Variants in CELF2 observed in about 807,000 individuals in gnomAD.
The protein encoded by CELF2 is CUGBP Elav-like family member 2, also known as CUG triplet repeat RNA-binding protein 2.
In CELF2, 8 loss-of-function variants were observed where a neutral mutation model predicts 62.6. The observed-to-expected ratio is 0.13, with a 90% CI of 0.07 to 0.23. CELF2 has a LOEUF of 0.23. Ranked by LOEUF, CELF2 falls within the 10% of genes least tolerant of loss-of-function variation. The pLI, the probability that CELF2 is intolerant of heterozygous loss-of-function variation, is 1.00. For missense variants in CELF2, 333 were observed against 671.0 expected (o/e 0.50, Z 5.56); for synonymous variants, 258 against 250.0 (o/e 1.03, Z -0.30).
chr10:11,107,622 C>G (rs965233596), intron 1 of CELF2, among the ~76,000 whole-genome samples: 2 of 152,014 alleles, frequency 1.3e-5, no homozygotes, highest in Non-Finnish European at 2.9e-5. Context: ...AGATACCTCA[C>G]TTCCATTTTA....
chr10:10,902,876 T>C (rs1480125175), intron 1 of CELF2, among the ~76,000 whole-genome samples: 1 of 116,740 alleles, frequency 8.6e-6, no homozygotes, highest in Non-Finnish European at 1.6e-5. Flanking sequence ...GAAGCGAATA[T>C]AGGCAGGAGA....
In CELF2 at chr10:11,157,591, A is replaced by G. The variant is rs1257974748; in HGVS notation, c.75-7895A>G. Among the ~76,000 whole-genome samples the G allele has an allele frequency of 1.3e-5, 2 of 152,168 alleles. No individual in the cohort carries two copies. The highest frequency in any genetic ancestry group is 6.5e-5 in the Admixed American group (1 of 15,274). On this transcript the variant is annotated intron_variant, in intron 1 of 12. Transcript: ENST00000633077. This position sits in a 1 kb window ranked among gnomAD's most constrained non-coding sequence, Gnocchi z 4.9. The stretch of plus-strand genomic sequence containing the variant: ...GTTGTGTCCATGTCTGTCTCTTCTA[A>G]TTGGCCATGAGCAGCAGAAGGACAT...
Position 11,018,168 on chromosome 10 carries a change from G to C in CELF2, c.74+5G>C. ...CCTGCTCGTTCCTGACAGAATGTGAGTGGCGCCGCGTCCCGAGGCCGGGCG... is the reference window on the plus strand; with the variant it reads ...CCTGCTCGTTCCTGACAGAATGTGACTGGCGCCGCGTCCCGAGGCCGGGCG... On this transcript the variant is annotated splice_donor_5th_base_variant and intron_variant, in intron 1 of 12. Transcript: ENST00000633077. 1.3e-6 allele frequency: 2 copies of C among 1,518,556 alleles called. No homozygotes were observed. The highest frequency in any genetic ancestry group is 1.8e-6 in the Non-Finnish European group (2 of 1,130,076). The allele number at this position is 1,518,556 out of a possible 1,614,324, so 94.1% of individuals were successfully genotyped here. A position where few individuals can be genotyped will look rare whatever the true frequency, so the allele number is the denominator to read the frequency against.
At chr10:10,723,018 T>C in the CELF2 span, among the ~76,000 whole-genome samples, 11 of 152,362 alleles carry the variant, frequency 7.2e-5, no homozygotes, top group East Asian at 1.9e-4. Context: ...ATCTACAAAA[T>C]TGATTCCTCC....
the CELF2 span, among the ~76,000 whole-genome samples, chr10:10,697,872 A>C: frequency 6.6e-6 from 1 of 152,160 alleles, no homozygotes; most frequent in African/African-American, 2.4e-5. Context: ...AGCTCACTGC[A>C]GCCTGCATCT....
the CELF2 span, among the ~76,000 whole-genome samples, chr10:10,600,335 T>A: frequency 1.3e-5 from 2 of 152,386 alleles, no homozygotes; most frequent in South Asian, 4.1e-4. Context: ...GCCTGATCTA[T>A]CTCTGAAGTT....
rs1178173156 is a variant in CELF2 at position 11,268,693 on chromosome 10, GTTT to G, written c.619-1972_619-1970del. ...GGGTCCTCTGACACTTAAATTTCTT[GTTT>G]GGTTTTTTTTTTAATTGGCATTTAA... On this transcript the variant is annotated intron_variant, in intron 6 of 12. Coordinates refer to ENST00000633077, the MANE Select transcript of CELF2 (RefSeq NM_001326342.2). The surrounding 1 kb of genome is among the most constrained non-coding windows in gnomAD (Gnocchi z 4.7). 5.5e-5 allele frequency among the ~76,000 whole-genome samples: 4 copies of G among 72,936 alleles called. No homozygotes were observed. The East Asian group carries it at 2.4e-3, about 44-fold the overall frequency. 47.8% of individuals were successfully genotyped at this position (72,936 alleles called of 152,430 possible). A position where few individuals can be genotyped will look rare whatever the true frequency, so the allele number is the denominator to read the frequency against.
rs2066729011 is a variant in CELF2 at position 11,165,278 on chromosome 10, A to G, written c.75-208A>G. 1 of 1,390,242 alleles carries G rather than the reference A, an allele frequency of 7.2e-7. No individual in the cohort carries two copies. Among genetic ancestry groups the G allele is most frequent in the South Asian group, 1.6e-5 (1 of 63,988 alleles). The allele number at this position is 1,390,242 out of a possible 1,614,324, so 86.1% of individuals were successfully genotyped here. On this transcript the variant is annotated intron_variant, in intron 1 of 12. Coordinates refer to ENST00000633077, the MANE Select transcript of CELF2 (RefSeq NM_001326342.2). The surrounding 1 kb of genome is among the most constrained non-coding windows in gnomAD (Gnocchi z 7.4). ...TCCCCCGGCTCTGCTCGACAGCAGC[A>G]CGCAGTGAGAGCCTCGCCGCCGCCG...
chr10:10,555,946 G>C, the CELF2 span, among the ~76,000 whole-genome samples: 7 of 152,026 alleles, frequency 4.6e-5, no homozygotes, highest in African/African-American at 1.7e-4. Flanking sequence ...GGATAGATAC[G>C]TATATTACAT....
Position 11,246,544 on chromosome 10 carries a change from G to T in CELF2, c.355-2609G>T, listed in dbSNP as rs539774852. The stretch of plus-strand genomic sequence containing the variant: ...ACAGAACCTACTTCTGATAAATCCC[G>T]TGAAGAATTTTTTATTGCCAGATCC... On this transcript the variant is annotated intron_variant, in intron 3 of 12. Transcript: ENST00000633077. The surrounding 1 kb of genome is among the most constrained non-coding windows in gnomAD (Gnocchi z 4.6). Among the ~76,000 whole-genome samples, 53 of 152,122 alleles carry T rather than the reference G, an allele frequency of 3.5e-4. No homozygotes were observed. The highest frequency in any genetic ancestry group is 1.2e-3 in the African/African-American group (50 of 41,494).
intron 1 of CELF2, among the ~76,000 whole-genome samples, chr10:11,130,161 A>G (rs1348356704): frequency 1.3e-5 from 2 of 152,082 alleles, no homozygotes; most frequent in East Asian, 1.9e-4. Flanking sequence ...AGGTTGTTCA[A>G]TTTCCATGTA....
chr10:10,621,137 G>C, the CELF2 span, among the ~76,000 whole-genome samples: 3,955 of 150,384 alleles, frequency 0.026, 157 homozygotes, highest in African/African-American at 0.091. Flanking sequence ...CCAGCTACTC[G>C]GGAGGCTGAG....
chr10:10,691,319 C>G, the CELF2 span, among the ~76,000 whole-genome samples: 3 of 150,690 alleles, frequency 2.0e-5, no homozygotes, highest in Admixed American at 2.0e-4. Context: ...ATCCATGTCC[C>G]TACAAAGGAC....
At chr10:10,793,337 C>G in the CELF2 span, among the ~76,000 whole-genome samples, 1 of 152,150 alleles carries the variant, frequency 6.6e-6, no homozygotes, top group Non-Finnish European at 1.5e-5. Flanking sequence ...GAAAGTTTGT[C>G]TCTATAGACA....
intron 11 of CELF2, among the ~76,000 whole-genome samples, chr10:11,322,244 C>A (rs1269346376): frequency 6.6e-6 from 1 of 152,166 alleles, no homozygotes; most frequent in Non-Finnish European, 1.5e-5. Flanking sequence ...ATGATGAAAT[C>A]CATGGTTAGG....
intron 1 of CELF2, among the ~76,000 whole-genome samples, chr10:11,073,722 TGAG>T (rs1207265879): frequency 6.6e-6 from 1 of 152,174 alleles, no homozygotes; most frequent in Non-Finnish European, 1.5e-5. Flanking sequence ...TAACGCTGAC[TGAG>T]GAGAAGGGGC....
At chr10:10,736,112 A>G in the CELF2 span, among the ~76,000 whole-genome samples, 1 of 152,166 alleles carries the variant, frequency 6.6e-6, no homozygotes, top group African/African-American at 2.4e-5. Flanking sequence ...CTCAAATTAG[A>G]ATTTATTTTT....
At chr10:10,600,937 C>G in the CELF2 span, among the ~76,000 whole-genome samples, 1 of 152,178 alleles carries the variant, frequency 6.6e-6, no homozygotes, top group Non-Finnish European at 1.5e-5. Context: ...GCCCATGCCA[C>G]ATAGCCAGCA....
intron 1 of CELF2, among the ~76,000 whole-genome samples, chr10:11,033,382 C>G (rs552970775): frequency 6.6e-6 from 1 of 152,136 alleles, no homozygotes; most frequent in Middle Eastern, 3.4e-3. Flanking sequence ...CTCAGCTTCC[C>G]GAGTACCTGG....
Sources: allele counts gnomAD v4.1 joint callset (sites outside exome capture counted in the v4.1 genomes callset), GRCh38; gene constraint gnomAD v4.1.1; non-coding constraint Gnocchi (gnomAD v3.1); transcripts MANE v1.5; gene names NCBI Gene and HGNC (gene_info 2026-07-23, HGNC 2026-07-21).